GREB1: variants seen among roughly 807,000 people sequenced by gnomAD.
The protein encoded by GREB1 is protein GREB1.
A neutral mutation model predicts 200.7 loss-of-function variants in GREB1; 106 were observed. The observed-to-expected ratio is 0.53, with a 90% CI of 0.45 to 0.62. The LOEUF (loss-of-function observed/expected upper bound fraction) is 0.62, where lower values mean the gene tolerates loss of function less well. Ranked by LOEUF, GREB1 falls within the 20% of genes least tolerant of loss-of-function variation. The pLI, the probability that GREB1 is intolerant of heterozygous loss-of-function variation, is 0.00. For synonymous variants in GREB1, 1,132 were observed against 1,092.4 expected, an observed-to-expected ratio of 1.04 and a Z score of -0.72; for missense variants, 2,243 against 2,556.8, an observed-to-expected ratio of 0.88 and a Z score of 2.65.
chr2:11,536,052 A>G (rs1167853575), intron 1 of GREB1, among the ~76,000 whole-genome samples: 1 of 152,182 alleles, frequency 6.6e-6, no homozygotes. Flanking sequence ...CCCAGGCAGC[A>G]GGGGAGAGAG....
chr2:11,527,492 C>T (rs188336368), intron 1 of GREB1, among the ~76,000 whole-genome samples: 8 of 152,244 alleles, frequency 5.3e-5, no homozygotes, highest in East Asian at 1.9e-4. Flanking sequence ...GATAACTTCA[C>T]GAGGGACCGA....
At chr2:11,484,465 T>G (rs2148390847) in intron 1 of GREB1, among the ~76,000 whole-genome samples, 1 of 151,836 alleles carries the variant, frequency 6.6e-6, no homozygotes, top group Non-Finnish European at 1.5e-5. Context: ...AGAAGTTAAC[T>G]CAGGAGGCAG....
intron 1 of GREB1, among the ~76,000 whole-genome samples, chr2:11,488,496 G>C (rs1299030508): frequency 2.0e-5 from 3 of 152,164 alleles, no homozygotes; most frequent in Non-Finnish European, 4.4e-5. Context: ...GATTCATAAA[G>C]ATTTGGGAAA....
rs781115413 is a variant in GREB1, at chr2:11,595,348, G to A, written c.1794G>A (p.Ser598=). 9 of 1,613,746 alleles carry A rather than the reference G, an allele frequency of 5.6e-6. No individual in the cohort carries two copies. Among genetic ancestry groups the A allele is most frequent in the South Asian group, 4.4e-5 (4 of 91,066 alleles). The change falls in exon 12 of 33, where the codon TCG becomes TCA. Residue 598 remains serine, a synonymous_variant. Transcript: ENST00000381486. ...NYELVTGKVD[S]LGAFFSTLCP... ...AGCTGGTTACGGGGAAGGTAGACTC[G>A]CTGGGGGCCTTCTTTAGCACCCTCT...
chr2:11,612,750 C>T (rs1683049403), intron 19 of GREB1, 140 bp downstream of exon 19: 1 of 592,248 alleles, frequency 1.7e-6, no homozygotes, highest in Non-Finnish European at 3.0e-6. Context: ...GTGGGGCCTT[C>T]ATCGTGGCTT....
rs972530108 is a variant in GREB1 at position 11,629,502 on chromosome 2, G to A, written c.4450-446G>A. ...CACACAGGACAGAACGGTGCCTGGC[G>A]AGCCGTGTTATAGGAGTGTCCAAGC... On this transcript the variant is annotated intron_variant, in intron 25 of 32. Coordinates refer to ENST00000381486, the MANE Select transcript of GREB1 (RefSeq NM_014668.4). This position sits in a 1 kb window ranked among gnomAD's most constrained non-coding sequence, Gnocchi z 5.2. Among the ~76,000 whole-genome samples, 1 of 152,178 alleles carries A rather than the reference G, an allele frequency of 6.6e-6. No individual in the cohort carries two copies. Among genetic ancestry groups the A allele is most frequent in the East Asian group, 1.9e-4 (1 of 5,200 alleles).
At chr2:11,592,111 A>C in intron 10 of GREB1, 1 of 982,772 alleles carries the variant, frequency 1.0e-6, no homozygotes, top group African/African-American at 1.7e-5. Flanking sequence ...CCGTAGTTCC[A>C]GTCCTAACTT....
At chr2:11,586,693 A>G (rs1680134726) in intron 9 of GREB1, among the ~76,000 whole-genome samples, 1 of 152,226 alleles carries the variant, frequency 6.6e-6, no homozygotes, top group African/African-American at 2.4e-5. Flanking sequence ...AGTAGAGAGG[A>G]TTGTAGGAAA....
intron 1 of GREB1, among the ~76,000 whole-genome samples, chr2:11,515,345 T>TG (rs1300883793): frequency 2.0e-5 from 3 of 152,124 alleles, no homozygotes; most frequent in Admixed American, 2.0e-4. Context: ...GAGAGGAAAA[T>TG]GTGCTAAGTA....
chr2:11,602,288 C>A, intron 16 of GREB1, 118 bp from the exon 17 acceptor site: 1 of 820,502 alleles, frequency 1.2e-6, no homozygotes. Flanking sequence ...AGCCACTGCA[C>A]AGTGGGCACG....
At chr2:11,587,336 A>T (rs755322884) in intron 9 of GREB1, 83 of 1,352,152 alleles carry the variant, frequency 6.1e-5, no homozygotes, top group Non-Finnish European at 8.4e-5. Context: ...AATGTCACAT[A>T]CTTGCCTTTA....
chr2:11,612,071 G>A (rs1005650426), intron 18 of GREB1, among the ~76,000 whole-genome samples: 1 of 152,052 alleles, frequency 6.6e-6, no homozygotes, highest in Admixed American at 6.6e-5. Flanking sequence ...GCGTGCGCCT[G>A]TAGTCCCAGC....
rs898312543 is a variant in GREB1, at chr2:11,558,421, G to A, written c.157+1650G>A. On this transcript the variant is annotated intron_variant, in intron 2 of 32. Transcript: ENST00000381486. ...ACATGTGGCACTGTCCAGGGACAGC[G>A]CTGAGGCTTAAGCCTTCATTCCTCC... 3.9e-5 allele frequency among the ~76,000 whole-genome samples: 6 copies of A among 152,166 alleles called. No individual in the cohort carries two copies. The South Asian group carries it at 6.2e-4, about 16-fold the overall frequency.
chr2:11,563,299 C>T (rs1047216499), intron 3 of GREB1, among the ~76,000 whole-genome samples: 3 of 152,168 alleles, frequency 2.0e-5, no homozygotes, highest in Non-Finnish European at 4.4e-5. Context: ...CCCATCAGTA[C>T]GTCAATGTTG....
At chr2:11,571,657 A>G (rs79691073) in intron 4 of GREB1, among the ~76,000 whole-genome samples, 2,004 of 152,276 alleles carry the variant, frequency 0.013, 35 homozygotes, top group African/African-American at 0.045. Flanking sequence ...CCTTCTTCCT[A>G]ACAGGGACCA....
rs767415665 is a variant in GREB1 at position 11,612,619 on chromosome 2, A to T, written c.3122+9A>T. On this transcript the variant is annotated intron_variant, in intron 19 of 32. Transcript: ENST00000381486. ...GGGGAGTCCTTGCCGAGGTGAGTGG[A>T]GGGGTTATGCCCCTGGGGGTCTCTG... The T allele has an allele frequency of 3.2e-6, 5 of 1,571,136 alleles. No homozygotes were observed. The East Asian group carries it at 1.1e-4, about 35-fold the overall frequency.
chr2:11,571,991 G>A (rs564370753), intron 4 of GREB1, among the ~76,000 whole-genome samples: 2 of 152,320 alleles, frequency 1.3e-5, no homozygotes, highest in African/African-American at 2.4e-5. Flanking sequence ...GATTACAGGC[G>A]TGAGCCACCA....
intron 20 of GREB1, among the ~76,000 whole-genome samples, chr2:11,615,816 T>C (rs1398801827): frequency 6.6e-6 from 1 of 152,224 alleles, no homozygotes; most frequent in East Asian, 1.9e-4. Flanking sequence ...GCATTGACTA[T>C]AGTCAACAAT....
chr2:11,496,546 A>G (rs1428969420), intron 1 of GREB1, among the ~76,000 whole-genome samples: 1 of 149,106 alleles, frequency 6.7e-6, no homozygotes, highest in African/African-American at 2.5e-5. Flanking sequence ...CTGACGAACA[A>G]GGGGGAGGTC....
Sources: gnomAD v4.1 joint callset for allele counts (sites outside exome capture counted in the v4.1 genomes callset) on GRCh38, gnomAD v4.1.1 for gene constraint, Gnocchi (gnomAD v3.1) non-coding constraint, MANE v1.5 for transcripts, NCBI Gene and HGNC (gene_info 2026-07-23, HGNC 2026-07-21) for gene names.